Variants in ARHGEF10 observed in about 807,000 individuals in gnomAD.
The protein encoded by ARHGEF10 is Rho guanine nucleotide exchange factor 10, also known as Rho guanine nucleotide exchange factor (GEF) 10.
Under a neutral mutation model 147.4 loss-of-function variants are expected in ARHGEF10, and 140 were observed. The observed-to-expected ratio is 0.95, with a 90% CI of 0.83 to 1.09. The LOEUF is 1.09. Ranked by LOEUF, ARHGEF10 falls within the 50% of genes least tolerant of loss-of-function variation. The pLI is 0.00. For missense variants in ARHGEF10, 2,222 were observed against 1,752.7 expected (o/e 1.27, Z -4.78); for synonymous variants, 902 against 695.8 (o/e 1.30, Z -4.67).
At chr8:1,844,235 G>A (rs567022783) in intron 2 of ARHGEF10, among the ~76,000 whole-genome samples, 6 of 152,250 alleles carry the variant, frequency 3.9e-5, no homozygotes, top group Admixed American at 1.3e-4. Context: ...GGATTTGGTC[G>A]TCTGTGCCCC....
intron 13 of ARHGEF10, 61 bp from the exon 14 acceptor site, chr8:1,896,272 A>G (rs1263977203): frequency 4.2e-6 from 5 of 1,192,148 alleles, no homozygotes; most frequent in Non-Finnish European, 6.3e-6. Flanking sequence ...CTTCTGTTTT[A>G]TGTTGGAAAA....
intron 2 of ARHGEF10, among the ~76,000 whole-genome samples, chr8:1,857,302 T>C (rs1270918887): frequency 6.6e-6 from 1 of 152,160 alleles, no homozygotes; most frequent in East Asian, 1.9e-4. Flanking sequence ...AAAAGTAAAG[T>C]GGATGATACT....
intron 11 of ARHGEF10, among the ~76,000 whole-genome samples, chr8:1,890,071 G>A (rs756333235): frequency 1.4e-3 from 203 of 147,696 alleles, no homozygotes; most frequent in Non-Finnish European, 2.3e-3. Context: ...CGGAGACACC[G>A]AGTGTGGTGT....
intron 2 of ARHGEF10, among the ~76,000 whole-genome samples, chr8:1,851,640 C>T (rs750007439): frequency 7.2e-5 from 11 of 152,142 alleles, no homozygotes; most frequent in Non-Finnish European, 7.4e-5. Flanking sequence ...GGGGTGGGCA[C>T]GTTGGCTCTT....
intron 11 of ARHGEF10, among the ~76,000 whole-genome samples, chr8:1,892,329 T>G (rs916235352): frequency 1.6e-4 from 15 of 94,272 alleles, no homozygotes; most frequent in African/African-American, 7.9e-4. Flanking sequence ...GTGTGTGTGT[T>G]TAATCCCAGC....
chr8:1,909,294 G>T lies in ARHGEF10; in HGVS notation c.1968-1G>T, dbSNP rs1554502711. ...AAACAAGGATCTTTTGGTCGTTTCA[G>T]CCCCTCTCATGACAGCCGTGTGATG... On this transcript the variant is annotated splice_acceptor_variant, in intron 17 of 28. Transcript: ENST00000349830. LOFTEE classifies it high-confidence loss of function. 1.2e-6 allele frequency: 2 copies of T among 1,614,226 alleles called. No individual in the cohort carries two copies. The highest frequency in any genetic ancestry group is 3.3e-5 in the Admixed American group (2 of 60,030).
chr8:1,903,747 CT>C, intron 16 of ARHGEF10: 1 of 462,920 alleles, frequency 2.2e-6, no homozygotes, highest in Non-Finnish European at 3.9e-6. Flanking sequence ...CTTTAGCTTA[CT>C]TTTCCTTTCA....
In ARHGEF10 at chr8:1,957,357, G is replaced by C. The variant is rs1815667961; in HGVS notation, c.*94G>C. 4 of 1,511,940 alleles carry C rather than the reference G, an allele frequency of 2.6e-6. No individual in the cohort carries two copies. The South Asian group carries it at 4.8e-5, about 18-fold the overall frequency. 93.7% of individuals were successfully genotyped at this position (1,511,940 alleles called of 1,614,324 possible). ...GAGTGGTTAAGCTGTGTCTACACTG[G>C]TTGGGAATAAATTAAAAACAGTATT... On this transcript the variant is annotated 3_prime_UTR_variant, in exon 29 of 29. Transcript: ENST00000349830.
At chr8:1,841,160 G>A (rs565945053) in intron 1 of ARHGEF10, among the ~76,000 whole-genome samples, 1 of 152,108 alleles carries the variant, frequency 6.6e-6, no homozygotes, top group South Asian at 2.1e-4. Context: ...TTGGGTGAGT[G>A]TCTCAAGTCT....
At chr8:1,897,071 C>G (rs916839197) in intron 14 of ARHGEF10, among the ~76,000 whole-genome samples, 5 of 152,214 alleles carry the variant, frequency 3.3e-5, no homozygotes, top group Non-Finnish European at 7.3e-5. Flanking sequence ...GCTGAAACCC[C>G]CTTCAAAGAC....
chr8:1,825,894 C>CA (rs1372391183), intron 1 of ARHGEF10, among the ~76,000 whole-genome samples: 1 of 152,180 alleles, frequency 6.6e-6, no homozygotes, highest in African/African-American at 2.4e-5. Flanking sequence ...TGGAATGCTG[C>CA]AAGGAGGAAC....
chr8:1,949,022 G>A (rs1814816363), intron 27 of ARHGEF10, among the ~76,000 whole-genome samples: 1 of 149,424 alleles, frequency 6.7e-6, no homozygotes, highest in Non-Finnish European at 1.5e-5. Context: ...GTTTTCATGT[G>A]TGTGTGTGTG....
intron 17 of ARHGEF10, among the ~76,000 whole-genome samples, chr8:1,906,040 C>T (rs903171603): frequency 6.6e-6 from 1 of 152,178 alleles, no homozygotes; most frequent in African/African-American, 2.4e-5. Context: ...TTTAAATTCT[C>T]TCTTTACCTG....
intron 4 of ARHGEF10, 21 bp from the exon 5 acceptor site, chr8:1,864,352 A>G (rs200782492): frequency 1.1e-4 from 180 of 1,613,494 alleles, no homozygotes; most frequent in Admixed American, 3.3e-5. Context: ...AAGCAGCATC[A>G]CATATTTTCT....
At chr8:1,833,763 G>T (rs1034649382) in intron 1 of ARHGEF10, among the ~76,000 whole-genome samples, 1 of 152,192 alleles carries the variant, frequency 6.6e-6, no homozygotes, top group Non-Finnish European at 1.5e-5. Context: ...CGGCCCCACT[G>T]CCTTCTTTAG....
chr8:1,888,298 AG>A, intron 11 of ARHGEF10, among the ~76,000 whole-genome samples: 1 of 62,570 alleles, frequency 1.6e-5, no homozygotes, highest in Admixed American at 1.5e-4. Context: ...GGGTGGGGTG[AG>A]GGTTTGTGAG....
intron 17 of ARHGEF10, among the ~76,000 whole-genome samples, chr8:1,907,448 G>A (rs777834319): frequency 6.6e-6 from 1 of 152,062 alleles, no homozygotes; most frequent in African/African-American, 2.4e-5. Context: ...CCTTGTAAAC[G>A]GCAAAGTCCT....
intron 18 of ARHGEF10, among the ~76,000 whole-genome samples, chr8:1,916,810 C>T (rs1486758176): frequency 6.6e-6 from 1 of 152,200 alleles, no homozygotes; most frequent in Non-Finnish European, 1.5e-5. Context: ...GTTGAAAACA[C>T]TAAAACGTTT....
intron 1 of ARHGEF10, among the ~76,000 whole-genome samples, chr8:1,837,610 G>T (rs777143096): frequency 2.0e-5 from 3 of 152,220 alleles, no homozygotes; most frequent in Admixed American, 6.5e-5. Flanking sequence ...AGAGCGTGCT[G>T]GTGTTGTGTT....
Sources: gnomAD v4.1 joint callset for allele counts (sites outside exome capture counted in the v4.1 genomes callset) on GRCh38, gnomAD v4.1.1 for gene constraint, MANE v1.5 for transcripts, NCBI Gene and HGNC (gene_info 2026-07-23, HGNC 2026-07-21) for gene names.